DLG5: variants seen among roughly 807,000 people sequenced by gnomAD.
DLG5 encodes disks large homolog 5.
Under a neutral mutation model 189.8 loss-of-function variants are expected in DLG5, and 48 were observed. The observed-to-expected ratio is 0.25, with a 90% CI of 0.20 to 0.32. The LOEUF (loss-of-function observed/expected upper bound fraction) is 0.32, where lower values mean the gene tolerates loss of function less well. DLG5 is among the 10% of genes least tolerant of loss of function. The probability of loss-of-function intolerance (pLI) is 1.00; values close to 1 mark genes in which losing one functional copy is unlikely to be tolerated. For synonymous variants in DLG5, 1,016 were observed against 1,054.1 expected (o/e 0.96, Z 0.70); for missense variants, 2,160 against 2,544.7 (o/e 0.85, Z 3.25).
intron 1 of DLG5, among the ~76,000 whole-genome samples, chr10:77,920,937 C>T (rs1846517057): frequency 6.6e-6 from 1 of 152,178 alleles, no homozygotes. Flanking sequence ...TGTCATTTTG[C>T]AATAAAGGTA....
At chr10:77,850,702 G>A (rs1843926610) in intron 5 of DLG5, among the ~76,000 whole-genome samples, 1 of 152,166 alleles carries the variant, frequency 6.6e-6, no homozygotes. Context: ...ACCCAGACTT[G>A]ACAGGATTAG....
chr10:77,907,535 T>G (rs1008320313), intron 1 of DLG5, among the ~76,000 whole-genome samples: 1 of 152,164 alleles, frequency 6.6e-6, no homozygotes, highest in African/African-American at 2.4e-5. Flanking sequence ...GCTGAGATCA[T>G]GCCACTGCAC....
At chr10:77,938,090 A>T in the DLG5 span, among the ~76,000 whole-genome samples, 1 of 151,714 alleles carries the variant, frequency 6.6e-6, no homozygotes, top group African/African-American at 2.4e-5. Flanking sequence ...TCCACAGAAC[A>T]CCTGTTCGGT....
chr10:77,863,053 C>A (rs1844534454), intron 2 of DLG5, among the ~76,000 whole-genome samples: 1 of 152,118 alleles, frequency 6.6e-6, no homozygotes. Flanking sequence ...ATACATTTTA[C>A]TGTATGTAAA....
chr10:77,842,028 G>A lies in DLG5; in HGVS notation c.1290C>T (p.Ser430=), dbSNP rs918804807. Residue 430 remains serine, a synonymous_variant, in exon 7 of 32, where the codon AGC becomes AGT. Transcript: ENST00000372391. ...KYREERDAVY[S]EYKLIMSERD... is the part of the protein sequence containing the mutation. ...GCTCACTCATGATGAGCTTGTACTC[G>A]CTGTACACAGCGTCCCGCTCCTCCC... The A allele has an allele frequency of 1.5e-5, 25 of 1,614,068 alleles. No homozygotes were observed. Among genetic ancestry groups the A allele is most frequent in the African/African-American group, 2.7e-5 (2 of 74,948 alleles).
At chr10:77,867,572 G>A (rs994245184) in intron 2 of DLG5, among the ~76,000 whole-genome samples, 1 of 152,188 alleles carries the variant, frequency 6.6e-6, no homozygotes, top group Non-Finnish European at 1.5e-5. Flanking sequence ...AAAGTAATAG[G>A]ATACCGTTGG....
intron 1 of DLG5, among the ~76,000 whole-genome samples, chr10:77,923,841 C>A (rs1313733867): frequency 6.6e-6 from 1 of 151,590 alleles, no homozygotes; most frequent in Non-Finnish European, 1.5e-5. Context: ...TGGCATCTTG[C>A]CATACCAAAT....
At chr10:77,865,724 C>T (rs11815015) in intron 2 of DLG5, among the ~76,000 whole-genome samples, 41,904 of 151,966 alleles carry the variant, frequency 0.28, 6,435 homozygotes, top group Non-Finnish European at 0.35. Flanking sequence ...CAACAACAGG[C>T]GCAGGAAGCG....
chr10:77,875,147 T>G (rs928296702), intron 1 of DLG5, among the ~76,000 whole-genome samples: 1 of 152,166 alleles, frequency 6.6e-6, no homozygotes, highest in Admixed American at 6.5e-5. Flanking sequence ...ACAAACAGGA[T>G]ACAAACCCAG....
At chr10:77,840,368 C>T (rs1452805767) in intron 7 of DLG5, among the ~76,000 whole-genome samples, 1 of 151,730 alleles carries the variant, frequency 6.6e-6, no homozygotes, top group Admixed American at 6.6e-5. Flanking sequence ...AACAGAGAGG[C>T]TGTCTCAATA....
At chr10:77,869,035 G>A in intron 2 of DLG5, 94 bp downstream of exon 2, 1 of 1,003,358 alleles carries the variant, frequency 1.0e-6, no homozygotes, top group Non-Finnish European at 1.5e-6. Flanking sequence ...TCTGACAAGG[G>A]AGAACCAGCT....
intron 1 of DLG5, among the ~76,000 whole-genome samples, chr10:77,916,461 T>C (rs1346205879): frequency 6.7e-6 from 1 of 149,534 alleles, no homozygotes; most frequent in East Asian, 2.0e-4. Context: ...CCGGCTAAAT[T>C]TTTGTATTTT....
intron 3 of DLG5, 67 bp downstream of exon 3, chr10:77,856,663 C>A: frequency 6.4e-7 from 1 of 1,571,204 alleles, no homozygotes; most frequent in South Asian, 1.2e-5. Flanking sequence ...TTGGGGGTGA[C>A]AGCACCAGCA....
In DLG5 at chr10:77,830,839, G is replaced by A. The variant is rs559729198; in HGVS notation, c.1783C>T (p.Arg595Trp). 4.1e-5 allele frequency: 66 copies of A among 1,614,112 alleles called. No homozygotes were observed. In the South Asian group the frequency reaches 5.5e-4, roughly 13 times the overall value. ...QMESQLEKEA[R>W]FRQLMAHSSH... ...CTGTGGGCCATCAGCTGTCGGAACC[G>A]GGCCTCCTTTTCCAACTGGGATTCC... The change falls in exon 10 of 32, where the codon CGG (arginine) becomes TGG (tryptophan). Residue 595 changes from arginine (R) to tryptophan (W), a missense_variant. By Grantham distance (101) the Arg-to-Trp change is moderately radical (BLOSUM62 -3). Around this residue, in one of 5 missense-constraint regions of DLG5, gnomAD observed 664 missense variants for 838.5 expected, o/e 0.79. Coordinates refer to ENST00000372391, the MANE Select transcript of DLG5 (RefSeq NM_004747.4).
chr10:77,926,721 G>A lies in DLG5; in HGVS notation c.-201C>T. The A allele has an allele frequency of 6.0e-6, 1 of 165,906 alleles. No homozygotes were observed. The highest frequency in any genetic ancestry group is 1.2e-5 in the Non-Finnish European group (1 of 81,452). 10.3% of individuals were successfully genotyped at this position (165,906 alleles called of 1,614,324 possible). On this transcript the variant is annotated 5_prime_UTR_variant, in exon 1 of 32. Transcript: ENST00000372391. This position sits in a 1 kb window ranked among gnomAD's most constrained non-coding sequence, Gnocchi z 5.2. ...CAGCGGCCGCCTCCCGGGCTCCGGAGCGCAGCCATGTTGGCTGCCGCGGCG... is the reference window on the plus strand; with the variant it reads ...CAGCGGCCGCCTCCCGGGCTCCGGAACGCAGCCATGTTGGCTGCCGCGGCG...
chr10:77,922,642 C>T (rs1380204752), intron 1 of DLG5, among the ~76,000 whole-genome samples: 1 of 152,160 alleles, frequency 6.6e-6, no homozygotes, highest in Non-Finnish European at 1.5e-5. Context: ...ACTCAGGCAC[C>T]TTTCTGCCCT....
intron 5 of DLG5, chr10:77,846,600 G>A: frequency 2.4e-6 from 1 of 423,494 alleles, no homozygotes; most frequent in Non-Finnish European, 4.7e-6. Flanking sequence ...CGGAGGCTGA[G>A]GCAGGAGAAT....
At position 77,895,302 on chromosome 10, in the gene DLG5, C is replaced by A. The variant is rs1488408264; in HGVS notation, c.305-26105G>T. Among the ~76,000 whole-genome samples, 4 of 152,190 alleles carry A rather than the reference C, an allele frequency of 2.6e-5. No homozygotes were observed. In the East Asian group the frequency reaches 7.7e-4, roughly 29 times the overall value. ...GGATTTCCCTTCTCCTCTGGCTGTG[C>A]TTTGGTCTGCAGTGACCCTAGCTGA... On this transcript the variant is annotated intron_variant, in intron 1 of 31. Transcript: ENST00000372391.
chr10:77,799,963 T>C (rs1347488212), intron 27 of DLG5, among the ~76,000 whole-genome samples: 1 of 151,958 alleles, frequency 6.6e-6, no homozygotes, highest in Non-Finnish European at 1.5e-5. Context: ...GGAAAACCAG[T>C]CCTCCATATA....
Sources: gnomAD v4.1 joint callset for allele counts (sites outside exome capture counted in the v4.1 genomes callset) on GRCh38, gnomAD v4.1.1 for gene constraint, gnomAD v4.1.1 regional missense constraint, Gnocchi (gnomAD v3.1) non-coding constraint, MANE v1.5 for transcripts, NCBI Gene and HGNC (gene_info 2026-07-23, HGNC 2026-07-21) for gene names.